Variants in FTCD observed in about 807,000 individuals in gnomAD.
The protein encoded by FTCD is formimidoyltransferase cyclodeaminase.
A neutral mutation model predicts 62.9 loss-of-function variants in FTCD; 76 were observed. The ratio of observed to expected loss-of-function variants is 1.21; its 90% confidence interval spans 1.00 to 1.46. The LOEUF is 1.46. Among genes scored for constraint, FTCD ranks in the 40% most tolerant of loss-of-function variants. FTCD has a pLI of 0.00. For missense variants in FTCD, 845 were observed against 751.3 expected (o/e 1.12, Z -1.46); for synonymous variants, 397 against 336.9 (o/e 1.18, Z -1.95).
intron 1 of FTCD, among the ~76,000 whole-genome samples, chr21:46,155,185 C>T (rs2079400458): frequency 6.6e-6 from 1 of 152,180 alleles, no homozygotes; most frequent in Non-Finnish European, 1.5e-5. Context: ...CCCTTTGAGG[C>T]CCAGAGATCT....
intron 7 of FTCD, 53 bp downstream of exon 7, chr21:46,150,065 TC>T: frequency 2.6e-6 from 3 of 1,162,466 alleles, no homozygotes; most frequent in Non-Finnish European, 3.7e-6. Context: ...CGCCACCGCC[TC>T]CCCACCCTCC....
intron 8 of FTCD, 96 bp from the exon 9 acceptor site, chr21:46,146,043 C>G: frequency 1.3e-6 from 1 of 797,130 alleles, no homozygotes; most frequent in Non-Finnish European, 1.9e-6. Context: ...CGTCTGCACC[C>G]ACGGGGAGGT....
intron 1 of FTCD, 114 bp downstream of exon 1, chr21:46,155,356 A>G: frequency 1.1e-6 from 1 of 887,798 alleles, no homozygotes; most frequent in Non-Finnish European, 1.8e-6. Context: ...GGCTCTGCCC[A>G]TCCTGGGAAG....
intron 1 of FTCD, 129 bp from the exon 2 acceptor site, chr21:46,154,461 C>T (rs1482909460): frequency 4.6e-5 from 53 of 1,164,384 alleles, no homozygotes; most frequent in Admixed American, 6.0e-5. Flanking sequence ...GGGGGCTCTC[C>T]GACAAGCTGA....
chr21:46,137,201 C>G (rs748469242), intron 13 of FTCD, 38 bp downstream of exon 13: 1 of 1,580,750 alleles, frequency 6.3e-7, no homozygotes, highest in South Asian at 1.1e-5. Context: ...TCCAGGCCCC[C>G]ACGTGGGGTC....
rs2078949853 is a variant in FTCD at position 46,139,595 on chromosome 21, C to T, written c.1261-672G>A. On this transcript the variant is annotated intron_variant, in intron 10 of 13. Coordinates refer to ENST00000397746, the MANE Select transcript of FTCD (RefSeq NM_206965.2). ...ACTTCATCTTGGAAGATTCAGCCAA[C>T]TCTCCACCAGAAAGTCATCATCAAC... 2.0e-5 allele frequency among the ~76,000 whole-genome samples: 3 copies of T among 152,236 alleles called. No individual in the cohort carries two copies. The South Asian group carries it at 6.2e-4, about 32-fold the overall frequency.
rs1222428836 is a variant in FTCD, at chr21:46,152,019, G to T, written c.368-39C>A. On this transcript the variant is annotated intron_variant, in intron 3 of 13. Coordinates refer to ENST00000397746, the MANE Select transcript of FTCD (RefSeq NM_206965.2). ...CGGCGGTCAGGCCTGGACCGGCAGG[G>T]GGTCCAGGACTCAGTTCCTGGAGGA... The T allele has an allele frequency of 3.5e-6, 5 of 1,448,928 alleles. No homozygotes were observed. In the East Asian group the frequency reaches 9.9e-5, roughly 29 times the overall value. 89.8% of individuals were successfully genotyped at this position (1,448,928 alleles called of 1,614,324 possible).
At chr21:46,149,980 T>C (rs1697174624) in intron 7 of FTCD, 139 bp downstream of exon 7, 2 of 868,494 alleles carry the variant, frequency 2.3e-6, no homozygotes, top group Non-Finnish European at 3.7e-6. Flanking sequence ...AAGTGAAATC[T>C]CATCTTCTGA....
At chr21:46,151,855 C>T (rs1405389238) in intron 4 of FTCD, 37 bp downstream of exon 4, 1 of 1,556,504 alleles carries the variant, frequency 6.4e-7, no homozygotes, top group Non-Finnish European at 8.7e-7. Flanking sequence ...GGCAGGTCCA[C>T]CTCCTTCCCA....
chr21:46,141,328 G>A (rs1325068510), intron 10 of FTCD, among the ~76,000 whole-genome samples: 1 of 151,576 alleles, frequency 6.6e-6, no homozygotes, highest in Admixed American at 6.6e-5. Flanking sequence ...TTTTGGGTGG[G>A]TAAATACAGG....
intron 7 of FTCD, among the ~76,000 whole-genome samples, chr21:46,147,958 A>AG (rs1491248742): frequency 9.9e-5 from 15 of 151,286 alleles, no homozygotes; most frequent in African/African-American, 3.4e-4. Context: ...AAAAAAAAAA[A>AG]AAGAAGAAGA....
chr21:46,146,527 G>T (rs2079151919), intron 7 of FTCD, 200 bp from the exon 8 acceptor site: 4 of 606,562 alleles, frequency 6.6e-6, no homozygotes, highest in Non-Finnish European at 1.2e-5. Flanking sequence ...GCCCCAGCAG[G>T]CACCCCGTAC....
chr21:46,136,557 C>G (rs190578543), downstream of FTCD: 1 of 1,588,792 alleles, frequency 6.3e-7, no homozygotes, highest in Middle Eastern at 1.8e-4. Flanking sequence ...GCCCAGGGAC[C>G]TGCACTGAAC....
At position 46,136,847 on chromosome 21, in the gene FTCD, T is replaced by A. The variant is rs1049059713; in HGVS notation, c.*140A>T. ...CTTCTGTCCCTGCCAGCGCCTCCAT[T>A]CCCAGGCGATGCCCCGCTGCCTGCC... On this transcript the variant is annotated 3_prime_UTR_variant, in exon 14 of 14. Coordinates refer to ENST00000397746, the MANE Select transcript of FTCD (RefSeq NM_206965.2). The A allele has an allele frequency of 1.9e-6, 3 of 1,552,072 alleles. No homozygotes were observed. In the African/African-American group the frequency reaches 4.1e-5, roughly 21 times the overall value.
intron 5 of FTCD, 136 bp from the exon 6 acceptor site, chr21:46,150,661 G>T: frequency 1.1e-6 from 1 of 907,786 alleles, no homozygotes. Context: ...GTTCTCCTCC[G>T]TCCCTCACTG....
At chr21:46,149,604 C>T (rs148126773) in intron 7 of FTCD, among the ~76,000 whole-genome samples, 140 of 152,262 alleles carry the variant, frequency 9.2e-4, no homozygotes, top group Non-Finnish European at 1.4e-3. Context: ...CAGACCAAGG[C>T]GGACAGCGGC....
At chr21:46,147,470 A>G (rs952747249) in intron 7 of FTCD, among the ~76,000 whole-genome samples, 1 of 152,136 alleles carries the variant, frequency 6.6e-6, no homozygotes, top group African/African-American at 2.4e-5. Flanking sequence ...TGGAGGAGAA[A>G]ACTTTGAACC....
At chr21:46,154,657 C>T (rs114883847) in intron 1 of FTCD, among the ~76,000 whole-genome samples, 3,079 of 152,334 alleles carry the variant, frequency 0.02, 102 homozygotes, top group African/African-American at 0.067. Flanking sequence ...TGACCACAGG[C>T]GCAGGTCACA....
chr21:46,138,743 G>A, intron 11 of FTCD, 97 bp from the exon 12 acceptor site: 1 of 1,478,954 alleles, frequency 6.8e-7, no homozygotes, highest in Non-Finnish European at 9.4e-7. Flanking sequence ...TGCAGAAGCG[G>A]GCGATGGGAA....
Sources: allele counts gnomAD v4.1 joint callset (sites outside exome capture counted in the v4.1 genomes callset), GRCh38; gene constraint gnomAD v4.1.1; transcripts MANE v1.5; gene names NCBI Gene and HGNC (gene_info 2026-07-23, HGNC 2026-07-21).